TGM2: variants seen among roughly 807,000 people sequenced by gnomAD.
TGM2 encodes transglutaminase 2, also known as protein-glutamine gamma-glutamyltransferase 2.
TGM2 carries 53 observed loss-of-function variants against 75.6 expected under a neutral mutation model. The observed-to-expected ratio is 0.70, with a 90% CI of 0.56 to 0.88. TGM2 has a LOEUF of 0.88. Ranked by LOEUF, TGM2 falls within the 40% of genes least tolerant of loss-of-function variation. The pLI is 0.00. For synonymous variants in TGM2, 374 were observed against 381.1 expected (o/e 0.98, Z 0.22); for missense variants, 842 against 928.5 (o/e 0.91, Z 1.21).
intron 4 of TGM2, among the ~76,000 whole-genome samples, chr20:38,148,847 G>A (rs937367378): frequency 2.0e-5 from 3 of 152,114 alleles, no homozygotes; most frequent in Non-Finnish European, 4.4e-5. Context: ...TCAAAAGCAG[G>A]ACCCCTTCTT....
chr20:38,148,020 C>T lies in TGM2; in HGVS notation c.622G>A (p.Gly208Ser), dbSNP rs377603006. 3.0e-5 allele frequency: 48 copies of T among 1,613,066 alleles called. No homozygotes were observed. Among genetic ancestry groups the T allele is most frequent in the African/African-American group, 4.0e-5 (3 of 74,908 alleles). The change falls in exon 5 of 13, where the codon GGC becomes AGC. Residue 208 changes from glycine to serine, a missense_variant. Coordinates refer to ENST00000361475, the MANE Select transcript of TGM2 (RefSeq NM_004613.4). ...CTGCTGCGGCGGGAGCAGTCACGGCCGGCGTTCTTCAGGAACTTGGGGTTG... is the reference window on the plus strand; with the variant it reads ...CTGCTGCGGCGGGAGCAGTCACGGCTGGCGTTCTTCAGGAACTTGGGGTTG... The part of the protein sequence containing the change: ...DVNPKFLKNA[G>S]RDCSRRSSPV...
In TGM2 at chr20:38,148,006, G is replaced by C. The variant is rs199919659; in HGVS notation, c.636C>G (p.Ser212=). The change falls in exon 5 of 13, where the codon TCC becomes TCG. Residue 212 remains serine (S), a synonymous_variant. Transcript: ENST00000361475. ...KFLKNAGRDC[S]RRSSPVYVGR... ...CCACGTAGACGGGGCTGCTGCGGCGGGAGCAGTCACGGCCGGCGTTCTTCA... is the reference window on the plus strand; with the variant it reads ...CCACGTAGACGGGGCTGCTGCGGCGCGAGCAGTCACGGCCGGCGTTCTTCA... The C allele has an allele frequency of 6.2e-6, 10 of 1,610,844 alleles. No homozygotes were observed. In the East Asian group the frequency reaches 2.0e-4, roughly 32 times the overall value.
intron 10 of TGM2, among the ~76,000 whole-genome samples, chr20:38,136,068 A>G (rs1424698739): frequency 6.6e-6 from 1 of 152,200 alleles, no homozygotes; most frequent in East Asian, 1.9e-4. Flanking sequence ...CAACAGCTTC[A>G]GTGTTGGGCC....
intron 3 of TGM2, among the ~76,000 whole-genome samples, chr20:38,152,089 C>T (rs1160043531): frequency 6.6e-6 from 1 of 152,230 alleles, no homozygotes. Context: ...TGGTTAATTA[C>T]AGCTATCTCA....
chr20:38,139,906 TC>T (rs894975914), intron 8 of TGM2, among the ~76,000 whole-genome samples: 3 of 152,194 alleles, frequency 2.0e-5, no homozygotes, highest in African/African-American at 7.2e-5. Flanking sequence ...CACTAACTTC[TC>T]GAAGCGGCAG....
upstream of TGM2, chr20:38,165,416 G>C (rs566362904): frequency 4.7e-6 from 3 of 632,940 alleles, no homozygotes; most frequent in African/African-American, 1.9e-5. Flanking sequence ...CAGGGGACCG[G>C]AGCCCGAGGG....
intron 10 of TGM2, among the ~76,000 whole-genome samples, chr20:38,134,115 G>A (rs1037289970): frequency 2.6e-5 from 4 of 152,124 alleles, no homozygotes; most frequent in Admixed American, 2.6e-4. Context: ...CCAGAAGGAC[G>A]GATTGAGACC....
At chr20:38,148,343 G>T (rs2075072409) in intron 4 of TGM2, among the ~76,000 whole-genome samples, 1 of 152,174 alleles carries the variant, frequency 6.6e-6, no homozygotes, top group South Asian at 2.1e-4. Context: ...CTGGTTGGGG[G>T]AACCTGGAAA....
intron 6 of TGM2, 76 bp from the exon 7 acceptor site, chr20:38,142,275 G>C (rs1465324949): frequency 7.5e-6 from 12 of 1,600,402 alleles, no homozygotes. Context: ...CTGCCCATCT[G>C]CATTCCAGGG....
chr20:38,140,139 G>A (rs575247923), intron 8 of TGM2, among the ~76,000 whole-genome samples: 1 of 152,250 alleles, frequency 6.6e-6, no homozygotes, highest in Non-Finnish European at 1.5e-5. Context: ...TCAGTGCCCC[G>A]CATGGGGCCA....
upstream of TGM2, among the ~76,000 whole-genome samples, chr20:38,166,107 C>T (rs1441035881): frequency 3.1e-5 from 2 of 63,910 alleles, no homozygotes; most frequent in Non-Finnish European, 1.1e-4. Context: ...GACTCAGGTA[C>T]AGACATGCAG....
At chr20:38,141,176 G>C in intron 8 of TGM2, 106 bp downstream of exon 8, 1 of 831,910 alleles carries the variant, frequency 1.2e-6, no homozygotes, top group South Asian at 1.4e-5. Context: ...ACCCATCAGT[G>C]GTCTCCGGGT....
rs915909947 is a variant in TGM2, at chr20:38,139,427, A to G, written c.1327T>C (p.Tyr443His). Reference sequence around the variant, plus strand: ...GGGCACATACCCTCTGGGTATTTGTAGGTGTGGGTGATATCCTCCCGCTCG... The same window carrying G: ...GGGCACATACCCTCTGGGTATTTGTGGGTGTGGGTGATATCCTCCCGCTCG... ...RDEREDITHT[Y>H]KYPEGSSEER... Residue 443 changes from tyrosine (Y) to histidine (H), a missense_variant, in exon 9 of 13, where the codon TAC (tyrosine) becomes CAC (histidine). Tyr to His is a moderately conservative substitution (Grantham distance 83). Transcript: ENST00000361475. 1 of 1,614,160 alleles carries G rather than the reference A, an allele frequency of 6.2e-7. No individual in the cohort carries two copies.
At chr20:38,132,937 C>T (rs570172279) in intron 10 of TGM2, 15 of 442,202 alleles carry the variant, frequency 3.4e-5, no homozygotes, top group African/African-American at 2.6e-4. Context: ...GGATCAGAGC[C>T]GACATCTGCT....
Position 38,155,863 on chromosome 20 carries a change from G to T in TGM2, c.417C>A (p.Phe139Leu), listed in dbSNP as rs2075177908. ...GTGGCTCACCTGGGCACCAGGCGTT[G>T]AAGAGCAAAATGAAGTGGCCCAGCA... ...SFVLGHFILL[F>L]NAWCPADAVY... Residue 139 changes from phenylalanine (F) to leucine (L), a missense_variant, in exon 3 of 13, where the codon TTC (phenylalanine) becomes TTA (leucine). Physicochemically the swap from Phe to Leu is conservative, Grantham distance 22. Coordinates refer to ENST00000361475, the MANE Select transcript of TGM2 (RefSeq NM_004613.4). 6.2e-7 allele frequency: 1 copy of T among 1,600,470 alleles called. No homozygotes were observed. Among genetic ancestry groups the T allele is most frequent in the Non-Finnish European group, 8.5e-7 (1 of 1,174,250 alleles).
At position 38,132,668 on chromosome 20, in the gene TGM2, G is replaced by A. The variant is rs759297411; in HGVS notation, c.1616-168C>T. 43 of 908,008 alleles carry A rather than the reference G, an allele frequency of 4.7e-5. No individual in the cohort carries two copies. In the African/African-American group the frequency reaches 5.7e-4, roughly 12 times the overall value. 56.2% of individuals were successfully genotyped at this position (908,008 alleles called of 1,614,324 possible). On this transcript the variant is annotated intron_variant, in intron 10 of 12. Coordinates refer to ENST00000361475, the MANE Select transcript of TGM2 (RefSeq NM_004613.4). ...CCACTGTGGCTCCAGGGTTCCCAGC[G>A]AGGAGCTGGAGAGTGGACACTGAGC...
intron 7 of TGM2, among the ~76,000 whole-genome samples, 172 bp downstream of exon 7, chr20:38,141,892 C>G (rs2074979472): frequency 6.6e-6 from 1 of 152,112 alleles, no homozygotes; most frequent in Admixed American, 6.6e-5. Context: ...TTCCTGAGGC[C>G]CCATCATGTA....
intron 1 of TGM2, 89 bp from the exon 2 acceptor site, chr20:38,161,688 G>T: frequency 6.7e-7 from 1 of 1,482,866 alleles, no homozygotes; most frequent in Non-Finnish European, 9.4e-7. Flanking sequence ...TGGGGGCCTT[G>T]TGCCCTCTTA....
At chr20:38,139,382 G>A in intron 9 of TGM2, 30 bp downstream of exon 9, 1 of 1,613,868 alleles carries the variant, frequency 6.2e-7, no homozygotes, top group Non-Finnish European at 8.5e-7. Flanking sequence ...TTATCTTCAA[G>A]GCTGCATTAA....
Sources: gnomAD v4.1 joint callset for allele counts (sites outside exome capture counted in the v4.1 genomes callset) on GRCh38, gnomAD v4.1.1 for gene constraint, MANE v1.5 for transcripts, NCBI Gene and HGNC (gene_info 2026-07-23, HGNC 2026-07-21) for gene names.